The following CNTNAP2 variants were observed in gnomAD, a reference collection of about 807,000 sequenced individuals.
CNTNAP2 encodes contactin-associated protein-like 2.
A neutral mutation model predicts 155.2 loss-of-function variants in CNTNAP2; 98 were observed. That is an observed-to-expected ratio of 0.63 (90% CI 0.54 to 0.75). The LOEUF is 0.75. Among genes scored for constraint, CNTNAP2 ranks in the 30% least tolerant of loss-of-function variants. The pLI, the probability that CNTNAP2 is intolerant of heterozygous loss-of-function variation, is 0.00. For missense variants in CNTNAP2, 1,727 were observed against 1,688.1 expected, an observed-to-expected ratio of 1.02 and a Z score of -0.40; for synonymous variants, 651 against 631.2, an observed-to-expected ratio of 1.03 and a Z score of -0.47.
intron 15 of CNTNAP2, among the ~76,000 whole-genome samples, chr7:148,018,609 T>G (rs1039878475): frequency 8.5e-5 from 13 of 152,174 alleles, no homozygotes; most frequent in Non-Finnish European, 1.8e-4. Flanking sequence ...TCAGGGTATG[T>G]TGGGAGATGA....
chr7:146,809,350 T>C (rs1803023441), intron 2 of CNTNAP2, among the ~76,000 whole-genome samples: 1 of 150,188 alleles, frequency 6.7e-6, no homozygotes, highest in African/African-American at 2.5e-5. Flanking sequence ...GGCCATTTGG[T>C]TTTTCATTTG....
At chr7:147,450,132 C>A (rs1165016766) in intron 10 of CNTNAP2, among the ~76,000 whole-genome samples, 1 of 152,102 alleles carries the variant, frequency 6.6e-6, no homozygotes, top group Non-Finnish European at 1.5e-5. Flanking sequence ...CCAAATCAGC[C>A]GAATGTAATC....
chr7:148,396,455 C>T lies in CNTNAP2; in HGVS notation c.3715+12567C>T, dbSNP rs146049422. Among the ~76,000 whole-genome samples, 45 of 152,288 alleles carry T rather than the reference C, an allele frequency of 3.0e-4. 1 individual carries two copies. In the Middle Eastern group the frequency reaches 0.01, roughly 35 times the overall value. On this transcript the variant is annotated intron_variant, in intron 22 of 23. Coordinates refer to ENST00000361727, the MANE Select transcript of CNTNAP2 (RefSeq NM_014141.6). ...AAATTATCCGCCATCACTTCTTTTA[C>T]GGCCTCATTTAAAAAGACAATTGTC...
intron 1 of CNTNAP2, among the ~76,000 whole-genome samples, chr7:146,447,429 A>G (rs1026237929): frequency 1.3e-5 from 2 of 152,056 alleles, no homozygotes; most frequent in Non-Finnish European, 2.9e-5. Flanking sequence ...ATAATATTTT[A>G]GTTTCACCTA....
intron 14 of CNTNAP2, among the ~76,000 whole-genome samples, chr7:147,964,668 T>G (rs1801175937): frequency 6.6e-6 from 1 of 152,194 alleles, no homozygotes; most frequent in African/African-American, 2.4e-5. Flanking sequence ...TCCTTACTCC[T>G]TTTGAGGCAT....
At chr7:146,702,130 G>A (rs1342373765) in intron 1 of CNTNAP2, among the ~76,000 whole-genome samples, 1 of 152,116 alleles carries the variant, frequency 6.6e-6, no homozygotes, top group Non-Finnish European at 1.5e-5. Context: ...TTTCCTGAAA[G>A]CAAGTCTTAG....
intron 15 of CNTNAP2, among the ~76,000 whole-genome samples, chr7:148,022,051 C>T (rs944825042): frequency 2.0e-5 from 3 of 152,184 alleles, no homozygotes; most frequent in Non-Finnish European, 2.9e-5. Context: ...CCTGGACACT[C>T]TCTTTCTAGG....
intron 12 of CNTNAP2, among the ~76,000 whole-genome samples, chr7:147,582,194 GTT>G (rs200910380): frequency 0.029 from 4,389 of 152,166 alleles, 144 homozygotes; most frequent in Non-Finnish European, 0.037. Flanking sequence ...CCCTGAACTG[GTT>G]TACACTGGCA....
At chr7:147,241,705 T>G (rs977400713) in intron 8 of CNTNAP2, among the ~76,000 whole-genome samples, 2 of 152,258 alleles carry the variant, frequency 1.3e-5, no homozygotes, top group South Asian at 2.1e-4. Context: ...CTGAACTTTT[T>G]TTGTTGTTGT....
intron 17 of CNTNAP2, among the ~76,000 whole-genome samples, chr7:148,155,224 A>G (rs1243899232): frequency 1.3e-5 from 2 of 152,284 alleles, no homozygotes; most frequent in Non-Finnish European, 2.9e-5. Context: ...TTGGTTCCAG[A>G]CAGTCTGACT....
At chr7:146,346,264 C>T (rs1171894483) in intron 1 of CNTNAP2, among the ~76,000 whole-genome samples, 2 of 152,142 alleles carry the variant, frequency 1.3e-5, no homozygotes, top group African/African-American at 4.8e-5. Flanking sequence ...AGCCGCTCCC[C>T]ATTGCTCACA....
At chr7:148,402,462 C>T (rs1201529301) in intron 22 of CNTNAP2, among the ~76,000 whole-genome samples, 2 of 152,194 alleles carry the variant, frequency 1.3e-5, no homozygotes, top group Admixed American at 1.3e-4. Flanking sequence ...ATGTGATTAG[C>T]AGGGATCCTC....
chr7:148,335,182 C>T (rs546173454), intron 21 of CNTNAP2, among the ~76,000 whole-genome samples: 6 of 152,304 alleles, frequency 3.9e-5, no homozygotes, highest in African/African-American at 1.2e-4. Flanking sequence ...AAAGAGCTCC[C>T]GTGGCTCAAG....
At chr7:146,536,822 C>T (rs1797876519) in intron 1 of CNTNAP2, among the ~76,000 whole-genome samples, 1 of 151,868 alleles carries the variant, frequency 6.6e-6, no homozygotes, top group African/African-American at 2.4e-5. Flanking sequence ...TATATTTCCC[C>T]AAAATATTAA....
At chr7:147,411,886 C>T (rs1462203534) in intron 10 of CNTNAP2, among the ~76,000 whole-genome samples, 2 of 151,952 alleles carry the variant, frequency 1.3e-5, no homozygotes, top group African/African-American at 4.8e-5. Context: ...GTTGATGTTT[C>T]GAAAGATTAT....
intron 14 of CNTNAP2, among the ~76,000 whole-genome samples, chr7:147,926,698 A>T (rs1390648548): frequency 6.6e-6 from 1 of 152,206 alleles, no homozygotes; most frequent in Non-Finnish European, 1.5e-5. Flanking sequence ...ACGTAAGATA[A>T]ATGTCAAACG....
intron 1 of CNTNAP2, among the ~76,000 whole-genome samples, chr7:146,609,303 A>G (rs1015864874): frequency 6.6e-6 from 1 of 152,186 alleles, no homozygotes; most frequent in Non-Finnish European, 1.5e-5. Context: ...TAGCTGCAGT[A>G]GTATTTATTC....
At chr7:148,283,068 C>A (rs1033413546) in intron 21 of CNTNAP2, among the ~76,000 whole-genome samples, 1 of 151,332 alleles carries the variant, frequency 6.6e-6, no homozygotes. Flanking sequence ...AATCCCATCT[C>A]TACTTTAAAA....
chr7:146,844,490 T>C (rs569527261), intron 3 of CNTNAP2, among the ~76,000 whole-genome samples: 12 of 151,930 alleles, frequency 7.9e-5, no homozygotes, highest in Non-Finnish European at 1.8e-4. Flanking sequence ...GTTTTCAAGT[T>C]TCCTAAGTAT....
Sources: gnomAD v4.1 joint callset for allele counts (sites outside exome capture counted in the v4.1 genomes callset) on GRCh38, gnomAD v4.1.1 for gene constraint, MANE v1.5 for transcripts, NCBI Gene and HGNC (gene_info 2026-07-23, HGNC 2026-07-21) for gene names.